Variants in SEMA4D observed in about 807,000 individuals in gnomAD.
SEMA4D encodes semaphorin-4D.
In SEMA4D, 22 loss-of-function variants were observed where a neutral mutation model predicts 74.8. The ratio of observed to expected loss-of-function variants is 0.29; its 90% CI spans 0.21 to 0.42. SEMA4D has a LOEUF of 0.42. Ranked by LOEUF, SEMA4D falls within the 10% of genes least tolerant of loss-of-function variation. SEMA4D has a pLI of 1.00. For missense variants in SEMA4D, 937 were observed against 1,118.4 expected (o/e 0.84, Z 2.31); for synonymous variants, 445 against 463.7 (o/e 0.96, Z 0.52).
chr9:89,478,073 A>T (rs1862210343), intron 1 of SEMA4D, among the ~76,000 whole-genome samples: 1 of 152,208 alleles, frequency 6.6e-6, no homozygotes, highest in Non-Finnish European at 1.5e-5. Context: ...GCCCTGCTGA[A>T]ATATATCCTG....
At chr9:89,409,963 T>C (rs1197634412) in intron 2 of SEMA4D, among the ~76,000 whole-genome samples, 1 of 152,012 alleles carries the variant, frequency 6.6e-6, no homozygotes, top group East Asian at 1.9e-4. Flanking sequence ...GGATATGAAC[T>C]TTAAGGATAA....
chr9:89,376,921 C>T (rs1273757302), downstream of SEMA4D: 11 of 1,550,702 alleles, frequency 7.1e-6, no homozygotes, highest in Admixed American at 3.9e-5. Flanking sequence ...AGGAGACCCT[C>T]GAGCTGCTGT....
At chr9:89,460,122 G>A (rs920178232) in intron 1 of SEMA4D, among the ~76,000 whole-genome samples, 13 of 152,066 alleles carry the variant, frequency 8.5e-5, no homozygotes, top group East Asian at 1.9e-4. Context: ...TGCATCCCCC[G>A]CCTGCTCCCG....
chr9:89,363,554 C>CA, intron 17 of SEMA4D: 1 of 1,613,246 alleles, frequency 6.2e-7, no homozygotes, highest in South Asian at 1.1e-5. Flanking sequence ...GTCCCCAGGT[C>CA]AAAGCTCTGT....
chr9:89,460,803 A>C (rs553121948), intron 1 of SEMA4D, among the ~76,000 whole-genome samples: 2 of 152,374 alleles, frequency 1.3e-5, no homozygotes, highest in East Asian at 3.8e-4. Context: ...CGTGGAACTC[A>C]GCACACTGGG....
intron 2 of SEMA4D, among the ~76,000 whole-genome samples, chr9:89,444,867 G>A (rs1037801900): frequency 6.6e-6 from 1 of 152,064 alleles, no homozygotes; most frequent in South Asian, 2.1e-4. Flanking sequence ...AGGAATAAAC[G>A]TTTTCCAAGC....
intron 1 of SEMA4D, among the ~76,000 whole-genome samples, chr9:89,458,745 A>G (rs1376600712): frequency 2.0e-5 from 3 of 152,090 alleles, no homozygotes; most frequent in African/African-American, 7.3e-5. Flanking sequence ...ACTCATGCAC[A>G]CACACACATA....
At chr9:89,415,869 C>A (rs1845599310) in intron 2 of SEMA4D, among the ~76,000 whole-genome samples, 1 of 152,176 alleles carries the variant, frequency 6.6e-6, no homozygotes, top group Admixed American at 6.5e-5. Flanking sequence ...AGGTCGGTCA[C>A]CATTTACACT....
chr9:89,385,891 G>T, intron 13 of SEMA4D: 1 of 298,262 alleles, frequency 3.4e-6, no homozygotes, highest in Non-Finnish European at 4.8e-6. Context: ...CCTGCCAAGG[G>T]CTGCTTGGGA....
Position 89,460,699 on chromosome 9 carries a change from A to C in SEMA4D, c.-309-4746T>G, listed in dbSNP as rs551338521. 1.9e-4 allele frequency among the ~76,000 whole-genome samples: 29 copies of C among 152,348 alleles called. 1 individual carries two copies. The South Asian group carries it at 6.0e-3, about 32-fold the overall frequency. ...GCACAGCTGGTCCTGGAGGCCGCAG[A>C]GCAAGGAAAAAGGGGAGAAGCAACA... On this transcript the variant is annotated intron_variant, in intron 1 of 15. Coordinates refer to ENST00000422704, the MANE Select transcript of SEMA4D (RefSeq NM_001371194.2).
intron 1 of SEMA4D, among the ~76,000 whole-genome samples, chr9:89,478,786 AAGG>A (rs1862422629): frequency 5.2e-5 from 1 of 19,266 alleles, no homozygotes; most frequent in African/African-American, 1.8e-4. Context: ...ACCCCACCCC[AAGG>A]CCCTTCCTTC....
intron 18 of SEMA4D, chr9:89,362,471 G>A (rs776157437): frequency 2.0e-5 from 32 of 1,613,824 alleles, no homozygotes; most frequent in Admixed American, 3.3e-5. Context: ...TGGAACGGAT[G>A]GGCCTTTCCT....
intron 2 of SEMA4D, among the ~76,000 whole-genome samples, chr9:89,446,750 AG>A (rs1264021199): frequency 1.3e-5 from 2 of 152,092 alleles, no homozygotes; most frequent in Non-Finnish European, 2.9e-5. Context: ...GAGGCATGAA[AG>A]GGGGGTTATG....
intron 8 of SEMA4D, among the ~76,000 whole-genome samples, 169 bp downstream of exon 8, chr9:89,392,254 G>A (rs950865935): frequency 3.3e-5 from 5 of 152,012 alleles, no homozygotes; most frequent in Non-Finnish European, 1.5e-5. Context: ...CCAACAAGGT[G>A]CCCTGGGACT....
chr9:89,391,080 G>A (rs1364958157), intron 9 of SEMA4D, among the ~76,000 whole-genome samples, 184 bp downstream of exon 9: 1 of 152,214 alleles, frequency 6.6e-6, no homozygotes, highest in Non-Finnish European at 1.5e-5. Context: ...CACACATGGG[G>A]GCCAGCACTC....
In SEMA4D at chr9:89,387,508, G is replaced by A. The variant is rs143896387; in HGVS notation, c.1208C>T (p.Ser403Leu). 375 of 1,614,200 alleles carry A rather than the reference G, an allele frequency of 2.3e-4. 1 individual carries two copies. The African/African-American group carries it at 4.2e-3, about 18-fold the overall frequency. The change falls in exon 12 of 16, where the codon TCG (serine) becomes TTG (leucine). Residue 403 changes from serine (S) to leucine (L), a missense_variant. Transcript: ENST00000422704. ...FVKDHPLMDD[S>L]VTPIDNRPRL... Reference sequence around the variant, plus strand: ...GGGCCTGTTGTCTATTGGGGTTACCGAGTCATCCATCAAAGGGTGGTCTTT... The same window carrying A: ...GGGCCTGTTGTCTATTGGGGTTACCAAGTCATCCATCAAAGGGTGGTCTTT...
intron 4 of SEMA4D, 27 bp downstream of exon 4, chr9:89,402,844 G>C (rs747796297): frequency 6.2e-7 from 1 of 1,604,530 alleles, no homozygotes; most frequent in South Asian, 1.1e-5. Flanking sequence ...TGGGCTATGT[G>C]GACATGCAGG....
At chr9:89,414,160 C>A (rs1845176581) in intron 2 of SEMA4D, among the ~76,000 whole-genome samples, 1 of 152,194 alleles carries the variant, frequency 6.6e-6, no homozygotes, top group African/African-American at 2.4e-5. Flanking sequence ...CTTCTGCCAG[C>A]AACAGGATGC....
intron 2 of SEMA4D, among the ~76,000 whole-genome samples, chr9:89,423,740 C>T (rs571574091): frequency 3.1e-4 from 47 of 150,464 alleles, no homozygotes; most frequent in African/African-American, 9.5e-4. Context: ...TACTTCACCT[C>T]CCCCGGCTAT....
Sources: allele counts gnomAD v4.1 joint callset (sites outside exome capture counted in the v4.1 genomes callset), GRCh38; gene constraint gnomAD v4.1.1; transcripts MANE v1.5; gene names NCBI Gene and HGNC (gene_info 2026-07-23, HGNC 2026-07-21).